The following FRYL variants were observed in gnomAD, a reference collection of about 807,000 sequenced individuals.
FRYL encodes FRY like transcription coactivator.
Under a neutral mutation model 351.2 loss-of-function variants are expected in FRYL, and 150 were observed. The observed-to-expected ratio is 0.43, with a 90% CI of 0.37 to 0.49. The LOEUF (loss-of-function observed/expected upper bound fraction) is 0.49, where lower values mean the gene tolerates loss of function less well. FRYL is among the 20% of genes least tolerant of loss of function. The pLI is 0.00. For synonymous variants in FRYL, 1,153 were observed against 1,257.1 expected (o/e 0.92, Z 1.75); for missense variants, 3,036 against 3,619.3 (o/e 0.84, Z 4.13).
chr4:48,563,030 G>A (rs1424450991), intron 31 of FRYL, 42 bp from the exon 32 acceptor site: 2 of 1,226,412 alleles, frequency 1.6e-6, no homozygotes, highest in South Asian at 2.5e-5. Context: ...ACAATGTTTA[G>A]AGGCTTTTGC....
rs371281591 is a variant in FRYL, at chr4:48,514,977, T to C, written c.7937+51A>G. The C allele has an allele frequency of 4.8e-5, 72 of 1,491,720 alleles. No homozygotes were observed. The African/African-American group carries it at 5.7e-4, about 12-fold the overall frequency. The allele number at this position is 1,491,720 out of a possible 1,614,324, so 92.4% of individuals were successfully genotyped here. On this transcript the variant is annotated intron_variant, in intron 56 of 63. Coordinates refer to ENST00000358350, the MANE Select transcript of FRYL (RefSeq NM_015030.2). ...ACAGAGGGGCACTCTTTGGAAGGAA[T>C]AGGGGAGAGATTATCCCCTCACTAC...
chr4:48,780,149 C>A lies in FRYL; in HGVS notation c.-455G>T, dbSNP rs1436244116. 1 of 154,664 alleles carries A rather than the reference C, an allele frequency of 6.5e-6. No homozygotes were observed. The highest frequency in any genetic ancestry group is 2.4e-5 in the African/African-American group (1 of 41,488). The allele number at this position is 154,664 out of a possible 1,614,324, so 9.6% of individuals were successfully genotyped here. A position where few individuals can be genotyped will look rare whatever the true frequency, so the allele number is the denominator to read the frequency against. On this transcript the variant is annotated 5_prime_UTR_variant, in exon 1 of 64. Coordinates refer to ENST00000358350, the MANE Select transcript of FRYL (RefSeq NM_015030.2). ...GTCCCCGCCCTCGGGCCCCTGGCTC[C>A]GTTCTCTTGACAATGGCGCGTCCCC...
At chr4:48,596,051 A>C in intron 13 of FRYL, 51 bp from the exon 14 acceptor site, 2 of 1,158,660 alleles carry the variant, frequency 1.7e-6, no homozygotes, top group Non-Finnish European at 2.5e-6. Context: ...GCAATCACTT[A>C]ACAGCAAACA....
intron 25 of FRYL, chr4:48,574,319 T>A (rs945661995): frequency 6.6e-6 from 1 of 152,164 alleles, no homozygotes. Flanking sequence ...TTAAATCCTA[T>A]TTTTTTCAAT....
At chr4:48,663,064 G>A (rs1424633925) in intron 3 of FRYL, among the ~76,000 whole-genome samples, 1 of 152,000 alleles carries the variant, frequency 6.6e-6, no homozygotes, top group African/African-American at 2.4e-5. Context: ...TAAATGTGTA[G>A]TTAAAATACT....
At chr4:48,762,519 CAG>C (rs933687956) in intron 1 of FRYL, among the ~76,000 whole-genome samples, 1 of 152,136 alleles carries the variant, frequency 6.6e-6, no homozygotes, top group African/African-American at 2.4e-5. Context: ...GGATGGAAAT[CAG>C]GGGAGGGTAT....
intron 47 of FRYL, among the ~76,000 whole-genome samples, chr4:48,537,690 T>C (rs1729195620): frequency 6.6e-6 from 1 of 152,208 alleles, no homozygotes; most frequent in South Asian, 2.1e-4. Context: ...CAGAAGGCCA[T>C]ATCTGATTTC....
intron 27 of FRYL, among the ~76,000 whole-genome samples, chr4:48,569,309 C>T (rs1476376187): frequency 6.6e-6 from 1 of 151,514 alleles, no homozygotes; most frequent in Non-Finnish European, 1.5e-5. Flanking sequence ...TTCTTTCTTT[C>T]TTTTTTTTTC....
At chr4:48,752,451 T>C (rs1773346310) in intron 1 of FRYL, among the ~76,000 whole-genome samples, 1 of 152,252 alleles carries the variant, frequency 6.6e-6, no homozygotes. Context: ...CTTTTACTTT[T>C]GTGCAATTGT....
rs761315530 is a variant in FRYL, at chr4:48,703,537, G to A, written c.-204+6982C>T. ...TTTCATTTCCTAGAAGTCCAACTTCGTTTCTGCCTCAGGATCCTTTTACAC... is the reference window on the plus strand; with the variant it reads ...TTTCATTTCCTAGAAGTCCAACTTCATTTCTGCCTCAGGATCCTTTTACAC... On this transcript the variant is annotated intron_variant, in intron 2 of 63. Coordinates refer to ENST00000358350, the MANE Select transcript of FRYL (RefSeq NM_015030.2). 3.9e-5 allele frequency among the ~76,000 whole-genome samples: 6 copies of A among 152,110 alleles called. No individual in the cohort carries two copies. In the South Asian group the frequency reaches 1.2e-3, roughly 32 times the overall value.
rs184562943 is a variant in FRYL, at chr4:48,512,527, C to T, written c.8099G>A (p.Gly2700Glu). 3.7e-5 allele frequency: 59 copies of T among 1,613,980 alleles called. No individual in the cohort carries two copies. The East Asian group carries it at 1.2e-3, about 32-fold the overall frequency. ...HVNQMLSDTD[G>E]SSAVFTFHVF... ...ATGAAAAGTAAACACTGCAGAGGAC[C>T]CGTCGGTGTCAGACAGCATCTGATT... The change falls in exon 57 of 64, where the codon GGG (glycine) becomes GAG (glutamate). Residue 2700 changes from glycine (G) to glutamate (E), a missense_variant. Transcript: ENST00000358350.
chr4:48,547,100 A>G (rs754822645), intron 41 of FRYL, among the ~76,000 whole-genome samples: 1 of 152,220 alleles, frequency 6.6e-6, no homozygotes. Flanking sequence ...AATATACCTT[A>G]AAAGTAAAAA....
In FRYL at chr4:48,543,999, T is replaced by C; in HGVS notation, c.5402-2A>G. The C allele has an allele frequency of 6.2e-7, 1 of 1,612,944 alleles. No individual in the cohort carries two copies. The highest frequency in any genetic ancestry group is 8.5e-7 in the Non-Finnish European group (1 of 1,179,142). ...GATGATGTTCCAGATGAATTCCTTCTGTGAATGCAAAGGAAACGAGTAGGT... is the reference window on the plus strand; with the variant it reads ...GATGATGTTCCAGATGAATTCCTTCCGTGAATGCAAAGGAAACGAGTAGGT... On this transcript the variant is annotated splice_acceptor_variant, in intron 43 of 63. Coordinates refer to ENST00000358350, the MANE Select transcript of FRYL (RefSeq NM_015030.2). LOFTEE classifies it high-confidence loss of function.
chr4:48,742,033 T>C (rs989291739), intron 1 of FRYL, among the ~76,000 whole-genome samples: 14 of 152,212 alleles, frequency 9.2e-5, no homozygotes, highest in South Asian at 2.1e-4. Flanking sequence ...AACAATGATG[T>C]ATCAATATAG....
intron 2 of FRYL, among the ~76,000 whole-genome samples, chr4:48,696,224 A>G (rs1232323511): frequency 6.6e-6 from 1 of 152,214 alleles, no homozygotes; most frequent in East Asian, 1.9e-4. Flanking sequence ...AGACACATGC[A>G]CACATATGTT....
intron 45 of FRYL, among the ~76,000 whole-genome samples, chr4:48,541,255 T>C (rs1342590727): frequency 6.6e-6 from 1 of 152,202 alleles, no homozygotes; most frequent in Admixed American, 6.5e-5. Flanking sequence ...TAGGCATACA[T>C]TATGTCCAAA....
At chr4:48,557,955 T>C (rs1316074446) in intron 33 of FRYL, among the ~76,000 whole-genome samples, 1 of 152,226 alleles carries the variant, frequency 6.6e-6, no homozygotes, top group Admixed American at 6.5e-5. Flanking sequence ...GTTTGTGCAC[T>C]GTTGGTGGCA....
intron 5 of FRYL, 97 bp from the exon 6 acceptor site, chr4:48,620,875 G>A (rs1578388499): frequency 4.9e-6 from 5 of 1,024,652 alleles, no homozygotes; most frequent in Admixed American, 2.3e-5. Flanking sequence ...AATAAACACA[G>A]TAACTCAATG....
At chr4:48,653,735 A>G (rs772043917) in intron 3 of FRYL, 88 of 1,290,858 alleles carry the variant, frequency 6.8e-5, no homozygotes, top group Non-Finnish European at 8.3e-5. Flanking sequence ...CAGGACTTTA[A>G]CAAGGACTTT....
Sources: allele counts gnomAD v4.1 joint callset (sites outside exome capture counted in the v4.1 genomes callset), GRCh38; gene constraint gnomAD v4.1.1; transcripts MANE v1.5; gene names NCBI Gene and HGNC (gene_info 2026-07-23, HGNC 2026-07-21).